Variants in NSG2 observed in about 807,000 individuals in gnomAD.
The protein encoded by NSG2 is neuronal vesicle trafficking-associated protein 2.
Under a neutral mutation model 16.9 loss-of-function variants are expected in NSG2, and 4 were observed. The ratio of observed to expected loss-of-function variants is 0.24; its 90% confidence interval spans 0.12 to 0.54. NSG2 has a LOEUF of 0.54. NSG2 is among the 20% of genes least tolerant of loss of function. NSG2 has a pLI of 0.95. For synonymous variants in NSG2, 98 were observed against 88.7 expected (o/e 1.11, Z -0.59); for missense variants, 179 against 221.1 (o/e 0.81, Z 1.21).
At chr5:174,090,478 CCATA>C (rs1561673116) in intron 3 of NSG2, among the ~76,000 whole-genome samples, 1 of 152,150 alleles carries the variant, frequency 6.6e-6, no homozygotes, top group Non-Finnish European at 1.5e-5. Context: ...TCAACATAAG[CCATA>C]TTGTAAGTAC....
At chr5:174,104,415 G>A in intron 4 of NSG2, 77 bp downstream of exon 4, 2 of 1,034,686 alleles carry the variant, frequency 1.9e-6, no homozygotes, top group South Asian at 1.3e-5. Context: ...CTTCACTGGT[G>A]TCCAAATTCT....
intron 3 of NSG2, among the ~76,000 whole-genome samples, chr5:174,083,171 C>T (rs1760518795): frequency 6.6e-6 from 1 of 152,232 alleles, no homozygotes. Flanking sequence ...TCGCTTCTCA[C>T]CTTGCCTTCT....
chr5:174,062,209 A>G (rs1003735376), intron 2 of NSG2, among the ~76,000 whole-genome samples: 12 of 152,176 alleles, frequency 7.9e-5, no homozygotes, highest in African/African-American at 2.9e-4. Context: ...ATCAAGACAC[A>G]GAAGGCATCA....
chr5:174,067,501 G>A (rs1351544141), intron 3 of NSG2, among the ~76,000 whole-genome samples: 1 of 152,258 alleles, frequency 6.6e-6, no homozygotes, highest in Non-Finnish European at 1.5e-5. Context: ...CAGGAAAGAA[G>A]GGCTTTGTGG....
At chr5:174,052,775 G>A (rs1200504912) in intron 2 of NSG2, among the ~76,000 whole-genome samples, 4 of 152,138 alleles carry the variant, frequency 2.6e-5, no homozygotes, top group African/African-American at 7.2e-5. Context: ...GTGCATCAAA[G>A]GAAAACAGTG....
intron 4 of NSG2, 99 bp downstream of exon 4, chr5:174,104,437 CCT>C (rs1760946444): frequency 8.5e-6 from 7 of 820,376 alleles, no homozygotes; most frequent in Non-Finnish European, 2.1e-6. Flanking sequence ...GGTATGACGA[CCT>C]CTCTACCGAC....
intron 3 of NSG2, among the ~76,000 whole-genome samples, chr5:174,079,611 G>A (rs539860314): frequency 1.8e-4 from 28 of 152,232 alleles, no homozygotes; most frequent in African/African-American, 6.0e-4. Flanking sequence ...CTTATTGCCT[G>A]TTTGATCATT....
intron 4 of NSG2, among the ~76,000 whole-genome samples, chr5:174,106,583 CTTTTTTTTTTT>C (rs752375646): frequency 2.2e-4 from 21 of 93,464 alleles, no homozygotes; most frequent in Non-Finnish European, 4.3e-4. Flanking sequence ...GGAATGAAGC[CTTTTTTTTTTT>C]TTTTTTTTTT....
At chr5:174,055,410 G>A (rs1019277548) in intron 2 of NSG2, among the ~76,000 whole-genome samples, 3 of 150,620 alleles carry the variant, frequency 2.0e-5, no homozygotes, top group Non-Finnish European at 2.9e-5. Flanking sequence ...TGGCTAACAC[G>A]GTGAAACCCC....
At chr5:174,085,252 G>T (rs1436732104) in intron 3 of NSG2, among the ~76,000 whole-genome samples, 2 of 152,188 alleles carry the variant, frequency 1.3e-5, no homozygotes, top group Non-Finnish European at 2.9e-5. Flanking sequence ...CTAGTAGGTA[G>T]GTGTTATGAT....
chr5:174,070,672 A>G (rs1461789659), intron 3 of NSG2, among the ~76,000 whole-genome samples: 1 of 152,210 alleles, frequency 6.6e-6, no homozygotes, highest in Non-Finnish European at 1.5e-5. Context: ...GCAGCTTCTC[A>G]GCTGTGCTCT....
intron 2 of NSG2, among the ~76,000 whole-genome samples, chr5:174,059,284 T>G (rs1432617841): frequency 1.3e-5 from 2 of 152,232 alleles, no homozygotes; most frequent in Non-Finnish European, 2.9e-5. Context: ...ATATGTAGTA[T>G]AGCGGTGAGG....
intron 2 of NSG2, among the ~76,000 whole-genome samples, chr5:174,049,914 A>G (rs796171325): frequency 6.6e-5 from 10 of 152,372 alleles, no homozygotes; most frequent in African/African-American, 2.2e-4. Context: ...CTAAATGCTT[A>G]GAATAGTGTC....
chr5:174,090,484 T>C (rs2113465136), intron 3 of NSG2, among the ~76,000 whole-genome samples: 1 of 152,328 alleles, frequency 6.6e-6, no homozygotes, highest in South Asian at 2.1e-4. Context: ...TAAGCCATAT[T>C]GTAAGTACAA....
At chr5:174,054,991 C>A (rs767432784) in intron 2 of NSG2, among the ~76,000 whole-genome samples, 1 of 152,144 alleles carries the variant, frequency 6.6e-6, no homozygotes, top group African/African-American at 2.4e-5. Flanking sequence ...GTGTCTAGTA[C>A]GTAGTAGATG....
intron 4 of NSG2, among the ~76,000 whole-genome samples, chr5:174,106,688 G>C (rs1397527847): frequency 6.9e-6 from 1 of 144,822 alleles, no homozygotes; most frequent in African/African-American, 2.6e-5. Context: ...TCTGCCTCCT[G>C]GGTTCAAGCG....
chr5:174,092,414 T>C (rs1471556036), intron 3 of NSG2, among the ~76,000 whole-genome samples: 1 of 152,208 alleles, frequency 6.6e-6, no homozygotes, highest in African/African-American at 2.4e-5. Context: ...AGCAAAACCC[T>C]TAAAGGGTGG....
intron 3 of NSG2, among the ~76,000 whole-genome samples, chr5:174,091,899 A>G (rs912929712): frequency 4.6e-5 from 7 of 152,184 alleles, no homozygotes; most frequent in Non-Finnish European, 8.8e-5. Flanking sequence ...AACCAGGAAT[A>G]TCAACAGTCC....
intron 3 of NSG2, among the ~76,000 whole-genome samples, chr5:174,095,096 G>A (rs1462145679): frequency 6.6e-6 from 1 of 152,206 alleles, no homozygotes; most frequent in African/African-American, 2.4e-5. Flanking sequence ...AGTTCACCAA[G>A]GGGAGAGTGG....
Sources: gnomAD v4.1 joint callset for allele counts (sites outside exome capture counted in the v4.1 genomes callset) on GRCh38, gnomAD v4.1.1 for gene constraint, MANE v1.5 for transcripts, NCBI Gene and HGNC (gene_info 2026-07-23, HGNC 2026-07-21) for gene names.